BCHE: variants seen among roughly 807,000 people sequenced by gnomAD.
BCHE encodes butyrylcholinesterase.
A neutral mutation model predicts 51.3 loss-of-function variants in BCHE; 48 were observed. The ratio of observed to expected loss-of-function variants is 0.94; its 90% confidence interval spans 0.74 to 1.19. The LOEUF is 1.19. BCHE is among the 50% of genes most tolerant of loss of function. The probability of loss-of-function intolerance (pLI) is 0.00; values close to 1 mark genes in which losing one functional copy is unlikely to be tolerated. For synonymous variants in BCHE, 251 were observed against 238.0 expected (o/e 1.05, Z -0.50); for missense variants, 847 against 708.2 (o/e 1.20, Z -2.23).
chr3:165,792,345 G>A (rs919215003), intron 2 of BCHE, among the ~76,000 whole-genome samples: 5 of 151,982 alleles, frequency 3.3e-5, no homozygotes, highest in Admixed American at 6.6e-5. Flanking sequence ...AAAATTACCC[G>A]GAAAAGAGTT....
At chr3:165,827,986 C>A (rs1251071465) in intron 2 of BCHE, 1 of 452,916 alleles carries the variant, frequency 2.2e-6, no homozygotes, top group Non-Finnish European at 4.4e-6. Flanking sequence ...TGATACATAC[C>A]CATCATAGTA....
chr3:165,812,317 C>A (rs1640706226), intron 2 of BCHE, among the ~76,000 whole-genome samples: 1 of 149,016 alleles, frequency 6.7e-6, no homozygotes, highest in Non-Finnish European at 1.5e-5. Context: ...CTACGTTTAT[C>A]ATGTATTTTA....
chr3:165,829,535 G>T lies in BCHE; in HGVS notation c.1499C>A (p.Ala500Glu), dbSNP rs762673285. Residue 500 changes from alanine (A) to glutamate (E), a missense_variant, in exon 2 of 4, where the codon GCA becomes GAA. By Grantham distance (107) the Ala-to-Glu change is moderately radical. Transcript: ENST00000264381. Reference protein sequence around the residue: ...ILSRSIVKRWANFAKYGNPNE... With the variant: ...ILSRSIVKRWENFAKYGNPNE... ...CACTTACCCATATTTTGCAAAATTT[G>T]CCCACCGTTTCACTATGGATCTACT... 6.2e-7 allele frequency: 1 copy of T among 1,613,452 alleles called. No homozygotes were observed. The highest frequency in any genetic ancestry group is 8.5e-7 in the Non-Finnish European group (1 of 1,179,692).
Position 165,773,310 on chromosome 3 carries a change from G to A in BCHE, c.*72C>T, listed in dbSNP as rs981557321. On this transcript the variant is annotated 3_prime_UTR_variant, in exon 4 of 4. Coordinates refer to ENST00000264381, the MANE Select transcript of BCHE (RefSeq NM_000055.4). ...CTACATAATAACTTTTTTAGTAGGT[G>A]TGTAAAAAAGCTCCTGATATTTTTG... The A allele has an allele frequency of 2.9e-4, 417 of 1,422,676 alleles. No homozygotes were observed. The highest frequency in any genetic ancestry group is 3.6e-4 in the Non-Finnish European group (367 of 1,026,730). The allele number at this position is 1,422,676 out of a possible 1,614,324, so 88.1% of individuals were successfully genotyped here. A position where few individuals can be genotyped will look rare whatever the true frequency, so the allele number is the denominator to read the frequency against.
At chr3:165,816,283 T>A (rs543041726) in intron 2 of BCHE, among the ~76,000 whole-genome samples, 184 of 152,060 alleles carry the variant, frequency 1.2e-3, no homozygotes, top group Non-Finnish European at 1.8e-3. Flanking sequence ...TAGTTTTCTA[T>A]AAGGAAAGTA....
At chr3:165,815,849 G>A (rs1714294642) in intron 2 of BCHE, among the ~76,000 whole-genome samples, 1 of 151,858 alleles carries the variant, frequency 6.6e-6, no homozygotes, top group South Asian at 2.1e-4. Flanking sequence ...CATGTTTTGT[G>A]GTCTAGGGTC....
At chr3:165,777,696 G>T in intron 3 of BCHE, 1 of 435,162 alleles carries the variant, frequency 2.3e-6, no homozygotes, top group Admixed American at 2.4e-5. Flanking sequence ...ACATGAGTCT[G>T]AACTGCACAA....
At chr3:165,817,500 C>T (rs1714354815) in intron 2 of BCHE, among the ~76,000 whole-genome samples, 1 of 152,026 alleles carries the variant, frequency 6.6e-6, no homozygotes, top group Non-Finnish European at 1.5e-5. Flanking sequence ...CCTCTTATCA[C>T]TTCCCCTTCA....
At chr3:165,827,007 C>T (rs1347017566) in intron 2 of BCHE, among the ~76,000 whole-genome samples, 1 of 151,990 alleles carries the variant, frequency 6.6e-6, no homozygotes, top group African/African-American at 2.4e-5. Flanking sequence ...AAGAAAGGGG[C>T]CTAGGAGGAA....
chr3:165,821,372 C>T (rs1475755052), intron 2 of BCHE, among the ~76,000 whole-genome samples: 1 of 151,146 alleles, frequency 6.6e-6, no homozygotes, highest in African/African-American at 2.4e-5. Flanking sequence ...TTTCTCCATC[C>T]ATAATTTCTT....
In BCHE at chr3:165,815,732, A is replaced by G. The variant is rs555518958; in HGVS notation, c.1517+13785T>C. Among the ~76,000 whole-genome samples, 6 of 152,182 alleles carry G rather than the reference A, an allele frequency of 3.9e-5. No homozygotes were observed. The East Asian group carries it at 7.7e-4, about 20-fold the overall frequency. On this transcript the variant is annotated intron_variant, in intron 2 of 3. Transcript: ENST00000264381. Reference sequence around the variant, plus strand: ...ATAAGAAGTATATTCTTTAAGGACAAGTATTTTTATTACTACATATTCATT... The same window carrying G: ...ATAAGAAGTATATTCTTTAAGGACAGGTATTTTTATTACTACATATTCATT...
At position 165,830,664 on chromosome 3, in the gene BCHE, T is replaced by A. The variant is rs1339128583; in HGVS notation, c.370A>T (p.Asn124Tyr). Reference protein sequence around the residue: ...TDLSEDCLYLNVWIPAPKPKN... With the variant: ...TDLSEDCLYLYVWIPAPKPKN... ...GGTTTAGGTGCTGGAATCCATACAT[T>A]TAGATATAAACAGTCTTCACTGAGG... Residue 124 changes from asparagine to tyrosine, a missense_variant, in exon 2 of 4, where the codon AAT becomes TAT. Transcript: ENST00000264381. 24 of 1,613,888 alleles carry A rather than the reference T, an allele frequency of 1.5e-5. No homozygotes were observed. Among genetic ancestry groups the A allele is most frequent in the Non-Finnish European group, 2.0e-5 (24 of 1,179,952 alleles).
Position 165,807,003 on chromosome 3 carries a change from C to T in BCHE, c.1518-20692G>A, listed in dbSNP as rs906070675. ...TCTCTAACTTTAAAACAACTATGAT[C>T]GATCATATTTTCCTTAAGAAATTAT... On this transcript the variant is annotated intron_variant, in intron 2 of 3. Transcript: ENST00000264381. Among the ~76,000 whole-genome samples the T allele has an allele frequency of 5.9e-5, 9 of 152,000 alleles. 1 individual carries two copies. Among genetic ancestry groups the T allele is most frequent in the Middle Eastern group, 3.4e-3 (1 of 294 alleles).
intron 2 of BCHE, among the ~76,000 whole-genome samples, chr3:165,818,813 G>T (rs77508512): frequency 6.6e-6 from 1 of 151,940 alleles, no homozygotes; most frequent in African/African-American, 2.4e-5. Context: ...ACATATATAC[G>T]TATTATTCAC....
intron 1 of BCHE, 87 bp from the exon 2 acceptor site, chr3:165,831,128 CGTTA>C: frequency 8.5e-7 from 1 of 1,169,912 alleles, no homozygotes; most frequent in Non-Finnish European, 1.2e-6. Context: ...AAAATATAGT[CGTTA>C]GTAATTCTAC....
chr3:165,831,157 A>C (rs1560023963), intron 1 of BCHE, 116 bp from the exon 2 acceptor site: 1 of 961,216 alleles, frequency 1.0e-6, no homozygotes, highest in Non-Finnish European at 1.5e-6. Flanking sequence ...TATGAAAACA[A>C]ATAAACCTGC....
intron 2 of BCHE, among the ~76,000 whole-genome samples, chr3:165,816,796 C>T (rs557257605): frequency 6.6e-6 from 1 of 151,872 alleles, no homozygotes; most frequent in African/African-American, 2.4e-5. Flanking sequence ...TTTTTTCTTC[C>T]TCCTCCCTCC....
intron 2 of BCHE, among the ~76,000 whole-genome samples, chr3:165,806,511 C>T (rs995511628): frequency 2.0e-4 from 31 of 152,100 alleles, no homozygotes; most frequent in Admixed American, 1.0e-3. Flanking sequence ...TTTTACTCTA[C>T]GATATATTCA....
intron 2 of BCHE, among the ~76,000 whole-genome samples, chr3:165,810,890 A>G (rs989941732): frequency 6.6e-6 from 1 of 152,122 alleles, no homozygotes; most frequent in Admixed American, 6.6e-5. Flanking sequence ...CTGATGGGGA[A>G]CTTTTCTAAG....
Sources: allele counts gnomAD v4.1 joint callset (sites outside exome capture counted in the v4.1 genomes callset), GRCh38; gene constraint gnomAD v4.1.1; transcripts MANE v1.5; gene names NCBI Gene and HGNC (gene_info 2026-07-23, HGNC 2026-07-21).